The following TRPM7 variants were observed in gnomAD, a reference collection of about 807,000 sequenced individuals.
The protein encoded by TRPM7 is LTRPC ion channel family member 7.
A neutral mutation model predicts 229.7 loss-of-function variants in TRPM7; 134 were observed. That is an observed-to-expected ratio of 0.58 (90% CI 0.51 to 0.67). TRPM7 has a LOEUF of 0.67. TRPM7 is among the 30% of genes least tolerant of loss of function. The pLI, the probability that TRPM7 is intolerant of heterozygous loss-of-function variation, is 0.00. For missense variants in TRPM7, 1,901 were observed against 2,210.0 expected, an observed-to-expected ratio of 0.86 and a Z score of 2.80; for synonymous variants, 699 against 715.2, an observed-to-expected ratio of 0.98 and a Z score of 0.36.
At chr15:50,590,307 G>A (rs925701921) in intron 26 of TRPM7, among the ~76,000 whole-genome samples, 9 of 151,688 alleles carry the variant, frequency 5.9e-5, no homozygotes, top group Admixed American at 5.3e-4. Context: ...ACATATATAC[G>A]GATAATCACT....
At chr15:50,634,743 G>GT (rs1392885368) in intron 7 of TRPM7, among the ~76,000 whole-genome samples, 187 bp from the exon 8 acceptor site, 45 of 152,186 alleles carry the variant, frequency 3.0e-4, no homozygotes, top group African/African-American at 1.1e-3. Context: ...ACCAGTTCAC[G>GT]TAAGTAAATT....
chr15:50,562,928 A>C (rs2053391206), intron 38 of TRPM7, among the ~76,000 whole-genome samples: 1 of 152,186 alleles, frequency 6.6e-6, no homozygotes, highest in South Asian at 2.1e-4. Flanking sequence ...GAAGTGAACT[A>C]TCAAAGCTCT....
chr15:50,598,291 G>A (rs1050169568), intron 22 of TRPM7, among the ~76,000 whole-genome samples: 1 of 152,196 alleles, frequency 6.6e-6, no homozygotes, highest in South Asian at 2.1e-4. Flanking sequence ...TATGTTCACA[G>A]GTTATCTAGT....
rs147834325 is a variant in TRPM7, at chr15:50,672,079, C to T, written c.4-9033G>A. ...TGGTTTTTGTTTTTGTTTTTTGAGA[C>T]GGAGTCTCACTGTCGCCCAGGCTGG... On this transcript the variant is annotated intron_variant, in intron 1 of 38. Transcript: ENST00000646667. Among the ~76,000 whole-genome samples, 301 of 152,032 alleles carry T rather than the reference C, an allele frequency of 2.0e-3. 1 individual carries two copies. Among genetic ancestry groups the T allele is most frequent in the African/African-American group, 6.4e-3 (267 of 41,474 alleles).
chr15:50,559,821 T>C lies in TRPM7; in HGVS notation c.*1857A>G, dbSNP rs1217050201. ...CAAGGTCAGGAGTTTGTGACCACACTGGCCAACATAGTGAAACCCTGTCTC... is the reference window on the plus strand; with the variant it reads ...CAAGGTCAGGAGTTTGTGACCACACCGGCCAACATAGTGAAACCCTGTCTC... On this transcript the variant is annotated 3_prime_UTR_variant, in exon 39 of 39. Coordinates refer to ENST00000646667, the MANE Select transcript of TRPM7 (RefSeq NM_017672.6). 1 of 152,068 alleles carries C rather than the reference T, an allele frequency of 6.6e-6. No homozygotes were observed. Among genetic ancestry groups the C allele is most frequent in the Non-Finnish European group, 1.5e-5 (1 of 68,010 alleles). The allele number at this position is 152,068 out of a possible 1,614,324, so 9.4% of individuals were successfully genotyped here.
chr15:50,658,845 A>G (rs994044544), intron 2 of TRPM7, among the ~76,000 whole-genome samples: 1 of 152,242 alleles, frequency 6.6e-6, no homozygotes, highest in Non-Finnish European at 1.5e-5. Flanking sequence ...AAAATGTTCA[A>G]TAAGAGATTA....
intron 31 of TRPM7, among the ~76,000 whole-genome samples, chr15:50,578,004 T>C (rs566615362): frequency 2.6e-5 from 4 of 152,250 alleles, no homozygotes; most frequent in South Asian, 2.1e-4. Context: ...AATATGCACA[T>C]ACATGCAAAC....
At chr15:50,680,630 C>G (rs1173593956) in intron 1 of TRPM7, among the ~76,000 whole-genome samples, 1 of 150,614 alleles carries the variant, frequency 6.6e-6, no homozygotes, top group Non-Finnish European at 1.5e-5. Context: ...AAGGTTAATA[C>G]ACAGAAATTT....
At chr15:50,646,353 G>A (rs1267211744) in intron 4 of TRPM7, among the ~76,000 whole-genome samples, 2 of 152,056 alleles carry the variant, frequency 1.3e-5, no homozygotes, top group Non-Finnish European at 2.9e-5. Context: ...ATGGTCCAAG[G>A]CTCACTGCAG....
At chr15:50,581,026 A>C in intron 29 of TRPM7, 118 bp from the exon 30 acceptor site, 1 of 834,878 alleles carries the variant, frequency 1.2e-6, no homozygotes, top group Non-Finnish European at 1.8e-6. Flanking sequence ...AAAAACTAAC[A>C]TACAGTTCTT....
rs1451177360 is a variant in TRPM7, at chr15:50,648,844, G to A, written c.164C>T (p.Thr55Ile). ...GRLVKQHACF[T>I]ASLAMKYSDV... The stretch of plus-strand genomic sequence containing the variant: ...TGAGTATTTCATGGCAAGACTTGCA[G>A]TAAAACAAGCATGTTGCTTGACCAA... Residue 55 changes from threonine to isoleucine, a missense_variant, in exon 4 of 39, where the codon ACT (threonine) becomes ATT (isoleucine). Thr to Ile is a moderately conservative substitution (Grantham distance 89). Coordinates refer to ENST00000646667, the MANE Select transcript of TRPM7 (RefSeq NM_017672.6). The A allele has an allele frequency of 1.2e-6, 2 of 1,612,142 alleles. No individual in the cohort carries two copies. Among genetic ancestry groups the A allele is most frequent in the Non-Finnish European group, 8.5e-7 (1 of 1,179,016 alleles).
chr15:50,658,044 G>A (rs1243333494), intron 2 of TRPM7, among the ~76,000 whole-genome samples: 4 of 130,596 alleles, frequency 3.1e-5, no homozygotes, highest in African/African-American at 1.1e-4. Flanking sequence ...TCGCTCTGTT[G>A]CCCAGGCTGG....
chr15:50,664,524 C>G (rs1239209451), intron 1 of TRPM7, among the ~76,000 whole-genome samples: 7 of 152,064 alleles, frequency 4.6e-5, no homozygotes. Context: ...AACGTTAAAT[C>G]TGCCAGATTG....
At chr15:50,680,603 T>A (rs1246251679) in intron 1 of TRPM7, among the ~76,000 whole-genome samples, 1 of 151,878 alleles carries the variant, frequency 6.6e-6, no homozygotes, top group Non-Finnish European at 1.5e-5. Context: ...ACAACTGAGT[T>A]GTAAATTATC....
At chr15:50,616,171 C>G (rs1030368637) in intron 13 of TRPM7, among the ~76,000 whole-genome samples, 1 of 152,072 alleles carries the variant, frequency 6.6e-6, no homozygotes, top group Non-Finnish European at 1.5e-5. Flanking sequence ...TGTGAATTAT[C>G]TAACAAATGT....
intron 13 of TRPM7, among the ~76,000 whole-genome samples, chr15:50,618,226 A>G (rs1303708621): frequency 6.6e-6 from 1 of 152,136 alleles, no homozygotes; most frequent in East Asian, 1.9e-4. Flanking sequence ...GCCACAGAAT[A>G]GCCTGAGATC....
At position 50,593,565 on chromosome 15, in the gene TRPM7, G is replaced by A. The variant is rs537651050; in HGVS notation, c.3608+52C>T. 1.5e-5 allele frequency: 23 copies of A among 1,564,454 alleles called. No individual in the cohort carries two copies. In the East Asian group the frequency reaches 2.0e-4, roughly 14 times the overall value. On this transcript the variant is annotated intron_variant, in intron 25 of 38. Coordinates refer to ENST00000646667, the MANE Select transcript of TRPM7 (RefSeq NM_017672.6). ...AATGACCATGTATAAGAAATATAACGAATAGATCCCATTTTGACATATAAC... is the reference window on the plus strand; with the variant it reads ...AATGACCATGTATAAGAAATATAACAAATAGATCCCATTTTGACATATAAC...
chr15:50,680,550 CAG>C (rs1452976633), intron 1 of TRPM7, among the ~76,000 whole-genome samples: 2 of 148,448 alleles, frequency 1.3e-5, no homozygotes, highest in South Asian at 2.1e-4. Flanking sequence ...GCCTAATTGA[CAG>C]AGAGAGACAC....
chr15:50,672,147 G>A (rs7166172), intron 1 of TRPM7, among the ~76,000 whole-genome samples: 12 of 151,870 alleles, frequency 7.9e-5, no homozygotes, highest in Non-Finnish European at 1.2e-4. Context: ...CTCATCTCCC[G>A]GGTTCACGCC....
Sources: allele counts gnomAD v4.1 joint callset (sites outside exome capture counted in the v4.1 genomes callset), GRCh38; gene constraint gnomAD v4.1.1; transcripts MANE v1.5; gene names NCBI Gene and HGNC (gene_info 2026-07-23, HGNC 2026-07-21).